ELN: variants seen among roughly 807,000 people sequenced by gnomAD.
The protein encoded by ELN is tropoelastin.
ELN carries 65 observed loss-of-function variants against 105.8 expected under a neutral mutation model. The observed-to-expected ratio is 0.61, with a 90% CI of 0.50 to 0.75. The LOEUF (loss-of-function observed/expected upper bound fraction) is 0.75. Ranked by LOEUF, ELN falls within the 30% of genes least tolerant of loss-of-function variation. The pLI, the probability that ELN is intolerant of heterozygous loss-of-function variation, is 0.00. For missense variants in ELN, 882 were observed against 969.4 expected (o/e 0.91, Z 1.20); for synonymous variants, 368 against 389.2 (o/e 0.95, Z 0.64).
chr7:74,042,885 G>T lies in ELN; in HGVS notation c.326-99G>T. 5.6e-6 allele frequency: 9 copies of T among 1,599,604 alleles called. No homozygotes were observed. The South Asian group carries it at 9.9e-5, about 18-fold the overall frequency. On this transcript the variant is annotated intron_variant, in intron 6 of 32. Transcript: ENST00000252034. ...CCCAGTCTGAAGGTGAGTTAGTAAC[G>T]GGGCCAGACCTCAATGCTGGGCCCT...
intron 5 of ELN, among the ~76,000 whole-genome samples, chr7:74,041,601 G>T (rs559379662): frequency 1.1e-4 from 17 of 152,198 alleles, no homozygotes; most frequent in Admixed American, 2.6e-4. Context: ...CAGTTTTCAG[G>T]AAGGCTGAAG....
Position 74,065,924 on chromosome 7 carries a change from C to A in ELN, c.2033-20C>A. 1.2e-6 allele frequency: 2 copies of A among 1,614,166 alleles called. No homozygotes were observed. The highest frequency in any genetic ancestry group is 1.7e-6 in the Non-Finnish European group (2 of 1,180,028). ...TCCCGATGGGGGTGTCTTATCCTGA[C>A]CCCACCTGCCTCTTCTCAGGTGCTG... On this transcript the variant is annotated intron_variant, in intron 30 of 32. Transcript: ENST00000252034.
rs1798615115 is a variant in ELN at position 74,069,325 on chromosome 7, A to G, written c.*625A>G. 4.2e-6 allele frequency: 1 copy of G among 236,334 alleles called. No homozygotes were observed. Among genetic ancestry groups the G allele is most frequent in the South Asian group, 1.7e-4 (1 of 5,786 alleles). 14.6% of individuals were successfully genotyped at this position (236,334 alleles called of 1,614,324 possible). On this transcript the variant is annotated 3_prime_UTR_variant, in exon 33 of 33. Transcript: ENST00000252034. The stretch of plus-strand genomic sequence containing the variant: ...CTGGGAATAGCCACCTTGCCCTTGT[A>G]GAATCCATCCGCCCATCCGTCCATT...
At chr7:74,048,407 G>A in intron 14 of ELN, 96 bp from the exon 15 acceptor site, 1 of 1,571,698 alleles carries the variant, frequency 6.4e-7, no homozygotes, top group Non-Finnish European at 8.8e-7. Flanking sequence ...ATACCCACAT[G>A]TCAGTGGATT....
At chr7:74,029,014 C>T (rs999025649) in intron 1 of ELN, among the ~76,000 whole-genome samples, 20 of 152,126 alleles carry the variant, frequency 1.3e-4, no homozygotes, top group African/African-American at 4.8e-4. Context: ...TATGTCTGCT[C>T]ACAGGTTCAT....
At chr7:74,040,780 C>G (rs1294254248) in intron 4 of ELN, among the ~76,000 whole-genome samples, 1 of 152,116 alleles carries the variant, frequency 6.6e-6, no homozygotes, top group Non-Finnish European at 1.5e-5. Flanking sequence ...GATGGAAGGA[C>G]AGATGGGTAG....
intron 32 of ELN, among the ~76,000 whole-genome samples, chr7:74,068,078 C>A (rs1194642363): frequency 6.6e-6 from 1 of 151,898 alleles, no homozygotes; most frequent in Non-Finnish European, 1.5e-5. Context: ...CGCTACTAGA[C>A]AATGGTGCCT....
At chr7:74,042,305 G>A (rs1423025252) in intron 5 of ELN, among the ~76,000 whole-genome samples, 1 of 151,948 alleles carries the variant, frequency 6.6e-6, no homozygotes, top group Non-Finnish European at 1.5e-5. Flanking sequence ...GCATGCACCT[G>A]TAGTTCCACC....
intron 1 of ELN, among the ~76,000 whole-genome samples, chr7:74,034,854 A>G (rs570213665): frequency 1.4e-4 from 22 of 152,226 alleles, no homozygotes; most frequent in African/African-American, 5.3e-4. Context: ...TAATCCCAGC[A>G]CTTTGGGAGG....
intron 31 of ELN, 84 bp downstream of exon 31, chr7:74,066,081 A>G: frequency 6.3e-7 from 1 of 1,589,910 alleles, no homozygotes. Flanking sequence ...GGGGACTCCC[A>G]GAGCCCATGT....
intron 1 of ELN, among the ~76,000 whole-genome samples, chr7:74,029,241 T>A (rs959088380): frequency 7.2e-5 from 11 of 152,012 alleles, no homozygotes; most frequent in Non-Finnish European, 1.3e-4. Flanking sequence ...CACGCAAGCA[T>A]GGAAAGGCGG....
In ELN at chr7:74,037,693, T is replaced by C. The variant is rs781943228; in HGVS notation, c.164-14T>C. The C allele has an allele frequency of 6.2e-6, 10 of 1,611,272 alleles. No homozygotes were observed. Among genetic ancestry groups the C allele is most frequent in the South Asian group, 1.1e-5 (1 of 90,158 alleles). ...CTGGGCCACCCCATTCACTATCTTCTCTTCCCTCTGCAGCGCTGGGGCCTG... is the reference window on the plus strand; with the variant it reads ...CTGGGCCACCCCATTCACTATCTTCCCTTCCCTCTGCAGCGCTGGGGCCTG... On this transcript the variant is annotated splice_polypyrimidine_tract_variant and intron_variant, in intron 3 of 32. Transcript: ENST00000252034.
At chr7:74,029,572 C>T (rs924875505) in intron 1 of ELN, among the ~76,000 whole-genome samples, 2 of 152,150 alleles carry the variant, frequency 1.3e-5, no homozygotes, top group Non-Finnish European at 2.9e-5. Context: ...AGGGCCTGGG[C>T]AGGAGCTGCA....
At chr7:74,043,765 CGGGCACAGAGGCTGTG>C (rs1791812000) in intron 8 of ELN, 98 bp from the exon 9 acceptor site, 2 of 1,372,290 alleles carry the variant, frequency 1.5e-6, no homozygotes, top group Admixed American at 3.9e-5. Flanking sequence ...CTGCCCCTGT[CGGGCACAGAGGCTGTG>C]GGTTTGAGGG....
At chr7:74,057,540 C>G (rs1554681033) in intron 21 of ELN, 100 bp from the exon 22 acceptor site, 5 of 1,606,138 alleles carry the variant, frequency 3.1e-6, no homozygotes, top group Middle Eastern at 1.6e-4. Context: ...TGACCAAGGT[C>G]GACTGCACCA....
At chr7:74,064,421 A>ATATAT (rs1554687708) in intron 29 of ELN, among the ~76,000 whole-genome samples, 3 of 115,272 alleles carry the variant, frequency 2.6e-5, no homozygotes, top group Admixed American at 8.2e-5. Context: ...TCTCAAAAAA[A>ATATAT]AAATATATAT....
chr7:74,066,834 C>T, intron 32 of ELN, 58 bp downstream of exon 32: 1 of 1,574,918 alleles, frequency 6.3e-7, no homozygotes, highest in South Asian at 1.1e-5. Context: ...CCTCCTCCCT[C>T]CTCTCCTGTG....
intron 1 of ELN, among the ~76,000 whole-genome samples, chr7:74,032,758 G>A (rs980248933): frequency 6.6e-6 from 1 of 152,122 alleles, no homozygotes; most frequent in East Asian, 1.9e-4. Context: ...CCAGGAGAAA[G>A]GAAGTCAGGG....
At chr7:74,061,676 A>G (rs1018078190) in intron 26 of ELN, among the ~76,000 whole-genome samples, 1 of 152,158 alleles carries the variant, frequency 6.6e-6, no homozygotes, top group Admixed American at 6.5e-5. Flanking sequence ...AAAGAAAAAG[A>G]AAAAGGCAGT....
Sources: allele counts gnomAD v4.1 joint callset (sites outside exome capture counted in the v4.1 genomes callset), GRCh38; gene constraint gnomAD v4.1.1; transcripts MANE v1.5; gene names NCBI Gene and HGNC (gene_info 2026-07-23, HGNC 2026-07-21).